The following SF3A3 variants were observed in gnomAD, a reference collection of about 807,000 sequenced individuals.
SF3A3 encodes the protein SAP 61.
In SF3A3, 9 loss-of-function variants were observed where a neutral mutation model predicts 85.8. The ratio of observed to expected loss-of-function variants is 0.10; its 90% confidence interval spans 0.06 to 0.18. The LOEUF (loss-of-function observed/expected upper bound fraction) is 0.18. Among genes scored for constraint, SF3A3 ranks in the 10% least tolerant of loss-of-function variants. SF3A3 has a pLI of 1.00. For missense variants in SF3A3, 306 were observed against 593.3 expected, an observed-to-expected ratio of 0.52 and a Z score of 5.03; for synonymous variants, 195 against 204.4, an observed-to-expected ratio of 0.95 and a Z score of 0.39.
At chr1:37,959,476 C>A (rs1020830017) in intron 16 of SF3A3, among the ~76,000 whole-genome samples, 1 of 152,066 alleles carries the variant, frequency 6.6e-6, no homozygotes, top group African/African-American at 2.4e-5. Context: ...GTGGTATGAT[C>A]ATAGCTCAGC....
Position 37,957,743 on chromosome 1 carries a change from C to G in SF3A3, c.*443G>C. 1 of 156,536 alleles carries G rather than the reference C, an allele frequency of 6.4e-6. No homozygotes were observed. The highest frequency in any genetic ancestry group is 1.4e-5 in the Non-Finnish European group (1 of 70,854). The allele number at this position is 156,536 out of a possible 1,614,324, so 9.7% of individuals were successfully genotyped here. ...CTTTCCCTAGTATTTGCATCAATGG[C>G]TAACTAAGCTGATGGCAGACCTCAT... On this transcript the variant is annotated 3_prime_UTR_variant, in exon 17 of 17. Coordinates refer to ENST00000373019, the MANE Select transcript of SF3A3 (RefSeq NM_006802.4).
intron 1 of SF3A3, 48 bp downstream of exon 1, chr1:37,989,822 G>C (rs752034264): frequency 3.4e-6 from 5 of 1,463,168 alleles, no homozygotes; most frequent in African/African-American, 1.4e-5. Flanking sequence ...TCAAACACGG[G>C]ATAGAGGCTC....
intron 15 of SF3A3, among the ~76,000 whole-genome samples, chr1:37,965,698 G>T (rs1247694486): frequency 6.6e-6 from 1 of 151,680 alleles, no homozygotes; most frequent in Non-Finnish European, 1.5e-5. Flanking sequence ...AGATTGCAGT[G>T]AGCTGTGATG....
At chr1:37,959,264 A>C (rs879357845) in intron 16 of SF3A3, among the ~76,000 whole-genome samples, 1 of 151,890 alleles carries the variant, frequency 6.6e-6, no homozygotes, top group Non-Finnish European at 1.5e-5. Flanking sequence ...TTTTTTGTAG[A>C]GATATGGTTT....
chr1:37,964,188 CAAG>C (rs1003731682), intron 15 of SF3A3, among the ~76,000 whole-genome samples: 5 of 150,790 alleles, frequency 3.3e-5, no homozygotes, highest in Non-Finnish European at 5.9e-5. Context: ...AAATAAAAAA[CAAG>C]AACAAAAACA....
chr1:37,961,862 G>C (rs1443895165), intron 15 of SF3A3, among the ~76,000 whole-genome samples: 1 of 150,406 alleles, frequency 6.6e-6, no homozygotes, highest in East Asian at 2.0e-4. Context: ...TGGGCGGGCA[G>C]ATCACCTGAG....
At chr1:37,961,562 C>T (rs527447617) in intron 15 of SF3A3, among the ~76,000 whole-genome samples, 1 of 150,770 alleles carries the variant, frequency 6.6e-6, no homozygotes, top group African/African-American at 2.4e-5. Flanking sequence ...CCAGTCTGGG[C>T]AACAAGAGTG....
At chr1:37,969,972 T>C (rs1461775843) in intron 12 of SF3A3, among the ~76,000 whole-genome samples, 1 of 152,198 alleles carries the variant, frequency 6.6e-6, no homozygotes, top group African/African-American at 2.4e-5. Context: ...CTGAGGCTAT[T>C]ATAGAACAAC....
intron 12 of SF3A3, among the ~76,000 whole-genome samples, chr1:37,970,323 T>A (rs113827404): frequency 0.027 from 3,174 of 115,954 alleles, 98 homozygotes; most frequent in African/African-American, 0.065. Context: ...AAAAAAAAAA[T>A]ATGCACACAA....
rs1646226256 is a variant in SF3A3 at position 37,957,363 on chromosome 1, A to T, written c.*823T>A. 1 of 147,176 alleles carries T rather than the reference A, an allele frequency of 6.8e-6. No individual in the cohort carries two copies. Among genetic ancestry groups the T allele is most frequent in the Non-Finnish European group, 1.5e-5 (1 of 67,240 alleles). 9.1% of individuals were successfully genotyped at this position (147,176 alleles called of 1,614,324 possible). A position where few individuals can be genotyped will look rare whatever the true frequency, so the allele number is the denominator to read the frequency against. The stretch of plus-strand genomic sequence containing the variant: ...TTTGTTGGGCTGCAGGCCCATTCCA[A>T]CACAGCCCAACTCCCCCCCCCCCCC... On this transcript the variant is annotated 3_prime_UTR_variant, in exon 17 of 17. Transcript: ENST00000373019.
At chr1:37,982,338 AT>A (rs1431328382) in intron 6 of SF3A3, among the ~76,000 whole-genome samples, 1 of 151,748 alleles carries the variant, frequency 6.6e-6, no homozygotes, top group Non-Finnish European at 1.5e-5. Context: ...TCCTTTTGAG[AT>A]TGTCATATTA....
intron 4 of SF3A3, among the ~76,000 whole-genome samples, chr1:37,986,264 C>T (rs1646456031): frequency 6.6e-6 from 1 of 152,066 alleles, no homozygotes; most frequent in Non-Finnish European, 1.5e-5. Flanking sequence ...CTTTCAAATG[C>T]ATGTTCCATA....
intron 4 of SF3A3, among the ~76,000 whole-genome samples, chr1:37,986,540 G>A (rs1032627760): frequency 7.9e-5 from 12 of 151,978 alleles, no homozygotes; most frequent in Admixed American, 6.6e-5. Context: ...GGCCGGGCGC[G>A]GTGGCTCATG....
At chr1:37,963,912 T>C (rs1384464135) in intron 15 of SF3A3, among the ~76,000 whole-genome samples, 1 of 136,710 alleles carries the variant, frequency 7.3e-6, no homozygotes, top group Non-Finnish European at 1.5e-5. Flanking sequence ...CCAAGCATGG[T>C]GGCTCATGCC....
Position 37,965,153 on chromosome 1 carries a change from T to C in SF3A3, c.1372+2891A>G, listed in dbSNP as rs533920633. On this transcript the variant is annotated intron_variant, in intron 15 of 16. Coordinates refer to ENST00000373019, the MANE Select transcript of SF3A3 (RefSeq NM_006802.4). Reference sequence around the variant, plus strand: ...GCCTGGGCAACAGAGCAAGACTCTGTCTCAAAAAAAAATAAAAAATAAAAA... The same window carrying C: ...GCCTGGGCAACAGAGCAAGACTCTGCCTCAAAAAAAAATAAAAAATAAAAA... Among the ~76,000 whole-genome samples, 3 of 149,782 alleles carry C rather than the reference T, an allele frequency of 2.0e-5. No individual in the cohort carries two copies. In the South Asian group the frequency reaches 6.3e-4, roughly 32 times the overall value.
intron 14 of SF3A3, among the ~76,000 whole-genome samples, 171 bp from the exon 15 acceptor site, chr1:37,968,305 G>A (rs1646316495): frequency 6.6e-6 from 1 of 152,148 alleles, no homozygotes; most frequent in Admixed American, 6.6e-5. Context: ...CTGACAAAAG[G>A]GTGGTATTTC....
At chr1:37,969,534 T>C (rs1171524459) in intron 13 of SF3A3, 37 bp downstream of exon 13, 2 of 1,614,086 alleles carry the variant, frequency 1.2e-6, no homozygotes, top group Admixed American at 1.7e-5. Flanking sequence ...GTTTCCAAAA[T>C]GGGGAATGGG....
At chr1:37,970,444 G>C (rs1374743176) in intron 12 of SF3A3, among the ~76,000 whole-genome samples, 39 of 152,002 alleles carry the variant, frequency 2.6e-4, no homozygotes, top group Non-Finnish European at 5.7e-4. Flanking sequence ...ACATTAGACA[G>C]ATCAACGAGA....
At position 37,983,015 on chromosome 1, in the gene SF3A3, C is replaced by T. The variant is rs548896154; in HGVS notation, c.468+1154G>A. ...AATGAATGACACAATCTCGGCTTAC[C>T]GCGACCTCCGCCTCCTGGGTTCAAG... On this transcript the variant is annotated intron_variant, in intron 6 of 16. Coordinates refer to ENST00000373019, the MANE Select transcript of SF3A3 (RefSeq NM_006802.4). 2.7e-4 allele frequency among the ~76,000 whole-genome samples: 41 copies of T among 151,774 alleles called. 2 individuals carry two copies. The South Asian group carries it at 6.2e-3, about 23-fold the overall frequency.
Sources: allele counts gnomAD v4.1 joint callset (sites outside exome capture counted in the v4.1 genomes callset), GRCh38; gene constraint gnomAD v4.1.1; transcripts MANE v1.5; gene names NCBI Gene and HGNC (gene_info 2026-07-23, HGNC 2026-07-21).